The following BDKRB2 variants were observed in gnomAD, a reference collection of about 807,000 sequenced individuals.
BDKRB2 encodes B2 bradykinin receptor.
In BDKRB2, 6 loss-of-function variants were observed where a neutral mutation model predicts 4.0. The observed-to-expected ratio is 1.49, with a 90% CI of 0.81 to 2.93. BDKRB2 has a LOEUF of 2.93. BDKRB2 is among the 30% of genes most tolerant of loss of function. BDKRB2 has a pLI of 0.00. For synonymous variants in BDKRB2, 225 were observed against 215.3 expected, an observed-to-expected ratio of 1.05 and a Z score of -0.40; for missense variants, 478 against 520.1, an observed-to-expected ratio of 0.92 and a Z score of 0.79.
At chr14:96,230,667 G>A (rs1595259722) in intron 1 of BDKRB2, among the ~76,000 whole-genome samples, 3 of 150,762 alleles carry the variant, frequency 2.0e-5, no homozygotes, top group South Asian at 2.1e-4. Flanking sequence ...ACCTAGGTTG[G>A]AGTGCAACGG....
At position 96,216,457 on chromosome 14, in the gene BDKRB2, T is replaced by TA. The variant is rs80252615; in HGVS notation, c.-40+11507dup. Among the ~76,000 whole-genome samples the TA allele has an allele frequency of 0.017, 2,595 of 151,326 alleles. 152 individuals carry two copies. In the East Asian group the frequency reaches 0.2, roughly 12 times the overall value. ...ACAAGCCTGGGCAAGATCCCATCTT[T>TA]AAAAAAAAATTTAAAAATTAGTGAG... is the stretch of plus-strand genomic sequence containing the variant. On this transcript the variant is annotated intron_variant, in intron 1 of 2. Transcript: ENST00000554311.
chr14:96,223,043 G>T, intron 1 of BDKRB2: 1 of 714,246 alleles, frequency 1.4e-6, no homozygotes, highest in Admixed American at 2.1e-5. Flanking sequence ...GCAAGGAAGG[G>T]TGTGCTGTTG....
At chr14:96,239,993 CA>C (rs1885228356) in intron 2 of BDKRB2, 1 of 997,408 alleles carries the variant, frequency 1.0e-6, no homozygotes, top group African/African-American at 1.7e-5. Flanking sequence ...TAAATTAACT[CA>C]CCCACCACAC....
chr14:96,231,977 C>A, intron 1 of BDKRB2, among the ~76,000 whole-genome samples: 1 of 152,200 alleles, frequency 6.6e-6, no homozygotes, highest in East Asian at 1.9e-4. Flanking sequence ...GATGGACAGA[C>A]TGGTGGCGTC....
chr14:96,217,708 G>T (rs557328054), intron 1 of BDKRB2, among the ~76,000 whole-genome samples: 2 of 152,274 alleles, frequency 1.3e-5, no homozygotes, highest in Admixed American at 1.3e-4. Flanking sequence ...TCTCCCAGTA[G>T]CGCCAGCCAG....
chr14:96,232,715 G>A (rs1178886691), intron 1 of BDKRB2, among the ~76,000 whole-genome samples: 3 of 152,148 alleles, frequency 2.0e-5, no homozygotes, highest in African/African-American at 2.4e-5. Context: ...TGAAGTGCAC[G>A]GACACCACGC....
intron 1 of BDKRB2, among the ~76,000 whole-genome samples, chr14:96,210,105 T>G (rs1191633206): frequency 1.3e-5 from 2 of 152,212 alleles, no homozygotes; most frequent in Admixed American, 6.5e-5. Context: ...GGTTCTATCC[T>G]TTGTTCCATA....
chr14:96,236,179 A>G (rs1487149046), intron 1 of BDKRB2, among the ~76,000 whole-genome samples: 2 of 152,132 alleles, frequency 1.3e-5, no homozygotes, highest in Admixed American at 6.5e-5. Context: ...AGCACCTTGT[A>G]TTGGTAACCA....
chr14:96,223,072 G>A, intron 1 of BDKRB2: 1 of 908,152 alleles, frequency 1.1e-6, no homozygotes, highest in South Asian at 1.4e-5. Flanking sequence ...TTGGAGGTTG[G>A]CGGCACAGGG....
chr14:96,214,526 C>T (rs899664782), intron 1 of BDKRB2: 1 of 152,254 alleles, frequency 6.6e-6, no homozygotes, highest in Non-Finnish European at 1.5e-5. Context: ...CCTTAGTGAC[C>T]GGCAGAGCTG....
chr14:96,228,815 C>T (rs2139786823), intron 1 of BDKRB2, among the ~76,000 whole-genome samples: 1 of 152,356 alleles, frequency 6.6e-6, no homozygotes, highest in South Asian at 2.1e-4. Flanking sequence ...CACCAAGAAC[C>T]TCACTGGGTG....
chr14:96,234,684 G>C (rs74443329), intron 1 of BDKRB2, among the ~76,000 whole-genome samples: 4,765 of 152,326 alleles, frequency 0.031, 148 homozygotes, highest in East Asian at 0.13. Flanking sequence ...AGTTGAGAGG[G>C]AAAGCCCTCA....
intron 1 of BDKRB2, among the ~76,000 whole-genome samples, chr14:96,225,537 G>A (rs558597473): frequency 6.6e-6 from 1 of 152,010 alleles, no homozygotes; most frequent in Non-Finnish European, 1.5e-5. Flanking sequence ...AGGAAGGAAC[G>A]GATGAAAGGG....
intron 1 of BDKRB2, chr14:96,223,386 C>T: frequency 1.3e-6 from 1 of 781,346 alleles, no homozygotes; most frequent in Non-Finnish European, 2.3e-6. Flanking sequence ...CTTTACACAG[C>T]TGTCCTTACT....
intron 1 of BDKRB2, among the ~76,000 whole-genome samples, chr14:96,215,211 G>T (rs943561755): frequency 2.0e-5 from 3 of 152,180 alleles, no homozygotes; most frequent in African/African-American, 7.2e-5. Context: ...GAACTTTGTT[G>T]TATGTACAAT....
chr14:96,223,466 C>T (rs1030495218), intron 1 of BDKRB2: 1 of 649,712 alleles, frequency 1.5e-6, no homozygotes, highest in African/African-American at 1.8e-5. Flanking sequence ...AAAAGATGTT[C>T]AATACACTGT....
At chr14:96,207,773 TA>T (rs1015541404) in intron 1 of BDKRB2, among the ~76,000 whole-genome samples, 210 of 145,206 alleles carry the variant, frequency 1.4e-3, no homozygotes, top group Middle Eastern at 7.2e-3. Context: ...AACTGCTCTT[TA>T]AAAAAAAAAA....
At chr14:96,237,661 C>A (rs1315466207) in intron 2 of BDKRB2, 2 of 1,282,836 alleles carry the variant, frequency 1.6e-6, no homozygotes, top group East Asian at 1.1e-4. Context: ...TTGGGGACAG[C>A]ATTTGCAAGA....
At chr14:96,219,063 G>A (rs1290790999) in intron 1 of BDKRB2, among the ~76,000 whole-genome samples, 2 of 151,920 alleles carry the variant, frequency 1.3e-5, no homozygotes, top group African/African-American at 4.8e-5. Context: ...CAGCGCTTTG[G>A]GAGGCCAAGG....
Sources: gnomAD v4.1 joint callset for allele counts (sites outside exome capture counted in the v4.1 genomes callset) on GRCh38, gnomAD v4.1.1 for gene constraint, MANE v1.5 for transcripts, NCBI Gene and HGNC (gene_info 2026-07-23, HGNC 2026-07-21) for gene names.